The following USP35 variants were observed in gnomAD, a reference collection of about 807,000 sequenced individuals.
USP35 encodes the protein ubiquitin specific peptidase 35.
USP35 carries 69 observed loss-of-function variants against 83.8 expected under a neutral mutation model. That is an observed-to-expected ratio of 0.82 (90% CI 0.68 to 1.01). The LOEUF (loss-of-function observed/expected upper bound fraction) is 1.01, where lower values mean the gene tolerates loss of function less well. Ranked by LOEUF, USP35 falls within the 50% of genes least tolerant of loss-of-function variation. The pLI is 0.00. For synonymous variants in USP35, 714 were observed against 589.5 expected, an observed-to-expected ratio of 1.21 and a Z score of -3.06; for missense variants, 1,503 against 1,362.5, an observed-to-expected ratio of 1.10 and a Z score of -1.62.
At chr11:78,209,415 G>A (rs759112082) in intron 9 of USP35, 33 bp from the exon 10 acceptor site, 1 of 1,551,912 alleles carries the variant, frequency 6.4e-7, no homozygotes, top group Non-Finnish European at 8.7e-7. Flanking sequence ...GGACCCGCAT[G>A]TACATGTAGT....
chr11:78,197,019 G>T (rs983148660), intron 2 of USP35, 101 bp downstream of exon 2: 3 of 1,370,224 alleles, frequency 2.2e-6, no homozygotes, highest in Non-Finnish European at 1.9e-6. Flanking sequence ...GGGCGCCCGT[G>T]TGGCACGAGT....
chr11:78,191,254 A>C lies in USP35; in HGVS notation c.-11+2097A>C, dbSNP rs189205325. ...CAGAGATCAGTCAACACTCGGCAGA[A>C]ATGTTGAGGGTCATCCGAGAGGAAC... On this transcript the variant is annotated intron_variant, in intron 1 of 10. Coordinates refer to ENST00000529308, the MANE Select transcript of USP35 (RefSeq NM_020798.4). Among the ~76,000 whole-genome samples, 3 of 152,312 alleles carry C rather than the reference A, an allele frequency of 2.0e-5. No homozygotes were observed. In the East Asian group the frequency reaches 5.8e-4, roughly 29 times the overall value.
Position 78,196,237 on chromosome 11 carries a change from G to A in USP35, c.-9G>A. The A allele has an allele frequency of 6.3e-7, 1 of 1,587,548 alleles. No homozygotes were observed. The highest frequency in any genetic ancestry group is 8.5e-7 in the Non-Finnish European group (1 of 1,173,936). ...GACCTCATTCCCTGTCCTCCGCAGC[G>A]CGGGCGCCATGGACAAGATCTTGGA... On this transcript the variant is annotated splice_region_variant and 5_prime_UTR_variant, in exon 2 of 11. Coordinates refer to ENST00000529308, the MANE Select transcript of USP35 (RefSeq NM_020798.4). The surrounding 1 kb of genome is among the most constrained non-coding windows in gnomAD (Gnocchi z 4.8).
At position 78,196,810 on chromosome 11, in the gene USP35, C is replaced by T; in HGVS notation, c.565C>T (p.Leu189=). 6 of 1,533,944 alleles carry T rather than the reference C, an allele frequency of 3.9e-6. No individual in the cohort carries two copies. The highest frequency in any genetic ancestry group is 2.4e-5 in the East Asian group (1 of 40,864). The change falls in exon 2 of 11, where the codon CTA becomes TTA. Residue 189 remains leucine, a synonymous_variant. Coordinates refer to ENST00000529308, the MANE Select transcript of USP35 (RefSeq NM_020798.4). The surrounding 1 kb of genome is among the most constrained non-coding windows in gnomAD (Gnocchi z 4.8). The part of the protein sequence containing the change: ...AEGEEGAVEF[L]EQAQQVSGLL... The stretch of plus-strand genomic sequence containing the variant: ...AGGCGAGGAGGGCGCCGTGGAGTTC[C>T]TAGAGCAGGCCCAGCAGGTGAGCGG...
chr11:78,222,849 T>C, the USP35 span, among the ~76,000 whole-genome samples: 1 of 152,146 alleles, frequency 6.6e-6, no homozygotes, highest in Non-Finnish European at 1.5e-5. Flanking sequence ...TCCCAAAGTG[T>C]TGGGGTTACA....
chr11:78,191,056 G>A (rs1195414933), intron 1 of USP35, among the ~76,000 whole-genome samples: 1 of 152,226 alleles, frequency 6.6e-6, no homozygotes, highest in Non-Finnish European at 1.5e-5. Flanking sequence ...CGTGTAATAA[G>A]CTCCATCTGA....
the USP35 span, chr11:78,226,958 G>A: frequency 5.0e-6 from 8 of 1,613,468 alleles, no homozygotes; most frequent in Non-Finnish European, 6.8e-6. Flanking sequence ...TGATCCCGTT[G>A]ACACAGTGTC....
chr11:78,226,998 G>A, the USP35 span: 25 of 1,613,496 alleles, frequency 1.5e-5, no homozygotes, highest in Non-Finnish European at 1.9e-5. Context: ...TTGTACAGCT[G>A]TGTCACTCCT....
Position 78,198,199 on chromosome 11 carries a change from A to G in USP35, c.806+131A>G. On this transcript the variant is annotated intron_variant, in intron 3 of 10. Coordinates refer to ENST00000529308, the MANE Select transcript of USP35 (RefSeq NM_020798.4). ...GGGCCCAGGCCCTCATGTGTGTTCC[A>G]TCATCTATCCTTTCTTGAGCCCTGC... The G allele has an allele frequency of 4.3e-6, 6 of 1,389,092 alleles. No homozygotes were observed. In the South Asian group the frequency reaches 6.6e-5, roughly 15 times the overall value. 86.0% of individuals were successfully genotyped at this position (1,389,092 alleles called of 1,614,324 possible). A position where few individuals can be genotyped will look rare whatever the true frequency, so the allele number is the denominator to read the frequency against.
the USP35 span, chr11:78,226,521 G>A: frequency 6.2e-7 from 1 of 1,608,356 alleles, no homozygotes; most frequent in Middle Eastern, 1.7e-4. Context: ...GGGGATGGTG[G>A]CAGCGACAGA....
chr11:78,220,529 A>C, the USP35 span: 1 of 1,211,728 alleles, frequency 8.3e-7, no homozygotes, highest in South Asian at 1.5e-5. Context: ...GAGTAAGAAC[A>C]CTGTTTCCCT....
At chr11:78,223,289 C>T in the USP35 span, 1 of 741,224 alleles carries the variant, frequency 1.3e-6, no homozygotes, top group Non-Finnish European at 2.1e-6. Flanking sequence ...AACTGAGACT[C>T]AGATTTTACA....
At chr11:78,192,438 G>T (rs567965637) in intron 1 of USP35, among the ~76,000 whole-genome samples, 1 of 152,346 alleles carries the variant, frequency 6.6e-6, no homozygotes, top group East Asian at 1.9e-4. Flanking sequence ...GGGATAGCTG[G>T]CCTTGTCCTC....
rs758511744 is a variant in USP35, at chr11:78,196,340, C to G, written c.95C>G (p.Pro32Arg). The part of the protein sequence containing the change: ...VRRVLEAARQ[P>R]LEREQCLALL... ...CGCGTGCTGGAGGCGGCGCGGCAGC[C>G]GCTGGAGCGTGAGCAGTGCCTGGCG... is the stretch of plus-strand genomic sequence containing the variant. Residue 32 changes from proline to arginine, a missense_variant, in exon 2 of 11, where the codon CCG becomes CGG. Transcript: ENST00000529308. This position sits in a 1 kb window ranked among gnomAD's most constrained non-coding sequence, Gnocchi z 4.8. 8.2e-6 allele frequency: 13 copies of G among 1,584,004 alleles called. No individual in the cohort carries two copies. Among genetic ancestry groups the G allele is most frequent in the Non-Finnish European group, 7.7e-6 (9 of 1,172,762 alleles).
the USP35 span, chr11:78,222,167 G>C: frequency 1.2e-6 from 2 of 1,613,964 alleles, no homozygotes; most frequent in Non-Finnish European, 1.7e-6. Context: ...TGACGGTGTT[G>C]TTCCTCAGGT....
chr11:78,200,869 T>C, intron 6 of USP35, 61 bp downstream of exon 6: 1 of 1,528,530 alleles, frequency 6.5e-7, no homozygotes, highest in Non-Finnish European at 8.8e-7. Flanking sequence ...AGTGTGGGCC[T>C]TCCAGCGGGC....
the USP35 span, among the ~76,000 whole-genome samples, chr11:78,226,182 T>C: frequency 6.6e-6 from 1 of 152,234 alleles, no homozygotes; most frequent in African/African-American, 2.4e-5. Context: ...TCTAAACCCA[T>C]AATATGTTAT....
At chr11:78,207,356 G>A in intron 7 of USP35, 174 bp from the exon 8 acceptor site, 1 of 619,484 alleles carries the variant, frequency 1.6e-6, no homozygotes, top group Non-Finnish European at 2.9e-6. Context: ...AGATACCCCA[G>A]GCTGAGTTGT....
chr11:78,226,850 G>A, the USP35 span: 2 of 1,613,944 alleles, frequency 1.2e-6, no homozygotes, highest in Non-Finnish European at 1.7e-6. Flanking sequence ...TGTGGCCATG[G>A]GAGGCCAGGC....
Sources: allele counts gnomAD v4.1 joint callset (sites outside exome capture counted in the v4.1 genomes callset), GRCh38; gene constraint gnomAD v4.1.1; non-coding constraint Gnocchi (gnomAD v3.1); transcripts MANE v1.5; gene names NCBI Gene and HGNC (gene_info 2026-07-23, HGNC 2026-07-21).